The following GUCY2D variants were observed in gnomAD, a reference collection of about 807,000 sequenced individuals.
GUCY2D encodes the protein guanylate cyclase 2D, retinal.
Under a neutral mutation model 101.3 loss-of-function variants are expected in GUCY2D, and 70 were observed. The observed-to-expected ratio is 0.69, with a 90% CI of 0.57 to 0.84. The LOEUF is 0.84. Ranked by LOEUF, GUCY2D falls within the 40% of genes least tolerant of loss-of-function variation. The pLI, the probability that GUCY2D is intolerant of heterozygous loss-of-function variation, is 0.00. For missense variants in GUCY2D, 1,460 were observed against 1,542.5 expected (o/e 0.95, Z 0.90); for synonymous variants, 688 against 670.7 (o/e 1.03, Z -0.40).
Position 8,015,801 on chromosome 17 carries a change from C to T in GUCY2D, c.3003C>T (p.Asp1001=). ...LTMPRYCLFG[D]TVNTASRMES... ...TGCCGCGGTACTGCCTGTTTGGGGACACGGTCAACACCGCCTCGCGCATGG... is the reference window on the plus strand; with the variant it reads ...TGCCGCGGTACTGCCTGTTTGGGGATACGGTCAACACCGCCTCGCGCATGG... Residue 1001 remains aspartate (D), a synonymous_variant, in exon 16 of 20, where the codon GAC becomes GAT. Transcript: ENST00000254854. The T allele has an allele frequency of 6.2e-7, 1 of 1,612,756 alleles. No homozygotes were observed. Among genetic ancestry groups the T allele is most frequent in the Non-Finnish European group, 8.5e-7 (1 of 1,179,610 alleles).
At chr17:8,004,446 C>A (rs930437475) in intron 3 of GUCY2D, among the ~76,000 whole-genome samples, 2 of 152,166 alleles carry the variant, frequency 1.3e-5, no homozygotes, top group Admixed American at 6.5e-5. Flanking sequence ...CCGTTTCCAC[C>A]ACCACATACT....
In GUCY2D at chr17:8,015,500, C is replaced by T; in HGVS notation, c.2942C>T (p.Ser981Leu). 1 of 1,610,572 alleles carries T rather than the reference C, an allele frequency of 6.2e-7. No individual in the cohort carries two copies. Among genetic ancestry groups the T allele is most frequent in the East Asian group, 2.2e-5 (1 of 44,832 alleles). ...VPVRIRIGLHSGPCVAGVVGL... is the reference protein window; with the variant it reads ...VPVRIRIGLHLGPCVAGVVGL... The stretch of plus-strand genomic sequence containing the variant: ...GTGCGCATCCGCATAGGCCTGCACT[C>T]GGGTAACTCCCGGGTCTTCCCAGGC... The change falls in exon 15 of 20, where the codon TCG becomes TTG. Residue 981 changes from serine (S) to leucine (L), a missense_variant and splice_region_variant. By Grantham distance (145) the Ser-to-Leu change is moderately radical (BLOSUM62 -2). Around this residue, in one of 3 missense-constraint regions of GUCY2D, gnomAD observed 215 missense variants for 227.9 expected, o/e 0.94. Coordinates refer to ENST00000254854, the MANE Select transcript of GUCY2D (RefSeq NM_000180.4).
chr17:8,004,290 G>A, intron 3 of GUCY2D, 134 bp downstream of exon 3: 1 of 834,016 alleles, frequency 1.2e-6, no homozygotes, highest in East Asian at 2.7e-5. Flanking sequence ...GGGTAATGTA[G>A]AGGCTCTGGC....
intron 3 of GUCY2D, among the ~76,000 whole-genome samples, chr17:8,005,801 T>C (rs756733337): frequency 6.6e-6 from 1 of 152,240 alleles, no homozygotes; most frequent in Admixed American, 6.5e-5. Flanking sequence ...TGCCTGGCTC[T>C]CTGAGAGATG....
chr17:8,013,243 A>C lies in GUCY2D; in HGVS notation c.2254A>C (p.Thr752Pro), dbSNP rs1305834204. 2 of 1,613,872 alleles carry C rather than the reference A, an allele frequency of 1.2e-6. No homozygotes were observed. The highest frequency in any genetic ancestry group is 1.7e-6 in the Non-Finnish European group (2 of 1,179,956). The change falls in exon 11 of 20, where the codon ACT becomes CCT. Residue 752 changes from threonine (T) to proline (P), a missense_variant. Thr to Pro is a conservative substitution (Grantham distance 38, BLOSUM62 -1). Around this residue, in one of 3 missense-constraint regions of GUCY2D, gnomAD observed 1,196 missense variants for 1,229.6 expected, o/e 0.97. Coordinates refer to ENST00000254854, the MANE Select transcript of GUCY2D (RefSeq NM_000180.4). The surrounding 1 kb of genome is among the most constrained non-coding windows in gnomAD (Gnocchi z 5.0). ...TGCCCCTTATGCCATGCTGGAGCTC[A>C]CTCCCGAGGGTAAGGCTGCCCTGTG... ...RSAPYAMLEL[T>P]PEEVVQRVRS...
rs528169554 is a variant in GUCY2D at position 8,003,623 on chromosome 17, C to T, written c.576C>T (p.Asp192=). The T allele has an allele frequency of 6.3e-7, 1 of 1,593,130 alleles. No individual in the cohort carries two copies. Among genetic ancestry groups the T allele is most frequent in the Middle Eastern group, 1.7e-4 (1 of 6,030 alleles). ...TGGCCCTGGTCACCGCCCCCCAGGA[C>T]CTGTGGGTGGAGGCGGGACGCTCAC... ...ARVALVTAPQ[D]LWVEAGRSLS... is the part of the protein sequence containing the mutation. The change falls in exon 2 of 20, where the codon GAC becomes GAT. Residue 192 remains aspartate (D), a synonymous_variant. Transcript: ENST00000254854.
Position 8,013,750 on chromosome 17 carries a change from A to G in GUCY2D, c.2264-130A>G. The G allele has an allele frequency of 5.4e-6, 4 of 744,954 alleles. No homozygotes were observed. The South Asian group carries it at 6.2e-5, about 11-fold the overall frequency. 46.1% of individuals were successfully genotyped at this position (744,954 alleles called of 1,614,324 possible). ...ACTCTCCCTCCACACACACACACTG[A>G]ACCTCTGATGTAAAGAAACCCCTGC... On this transcript the variant is annotated intron_variant, in intron 11 of 19. Coordinates refer to ENST00000254854, the MANE Select transcript of GUCY2D (RefSeq NM_000180.4). The surrounding 1 kb of genome is among the most constrained non-coding windows in gnomAD (Gnocchi z 5.0).
chr17:8,013,088 C>T lies in GUCY2D; in HGVS notation c.2114-15C>T, dbSNP rs560225721. The stretch of plus-strand genomic sequence containing the variant: ...TCTTTCCCCAGCGGCGCCTCAGCCC[C>T]TTCCCCATCCCCAGACCAGCTGTGG... On this transcript the variant is annotated splice_polypyrimidine_tract_variant and intron_variant, in intron 10 of 19. Transcript: ENST00000254854. This position sits in a 1 kb window ranked among gnomAD's most constrained non-coding sequence, Gnocchi z 5.0. The T allele has an allele frequency of 8.7e-6, 14 of 1,609,648 alleles. No homozygotes were observed. Among genetic ancestry groups the T allele is most frequent in the Middle Eastern group, 2.0e-4 (1 of 4,894 alleles).
chr17:8,005,893 T>G lies in GUCY2D; in HGVS notation c.1027-470T>G, dbSNP rs151126238. Among the ~76,000 whole-genome samples the G allele has an allele frequency of 3.7e-3, 563 of 152,284 alleles. 3 individuals are homozygous for G. Among genetic ancestry groups the G allele is most frequent in the African/African-American group, 0.012 (518 of 41,542 alleles). On this transcript the variant is annotated intron_variant, in intron 3 of 19. Transcript: ENST00000254854. ...TTTTTGTTTGTTTTTTGTTTAGTTT[T>G]TTTGTTTGTTTGTTTGTTTTTTTAA...
At chr17:8,004,293 G>T (rs1461222581) in intron 3 of GUCY2D, 137 bp downstream of exon 3, 1 of 804,012 alleles carries the variant, frequency 1.2e-6, no homozygotes, top group Non-Finnish European at 1.9e-6. Flanking sequence ...TAATGTAGAG[G>T]CTCTGGCCCC....
chr17:8,016,232 C>T lies in GUCY2D; in HGVS notation c.3166C>T (p.Leu1056=), dbSNP rs768597548. The change falls in exon 18 of 20, where the codon CTA becomes TTA. Residue 1056 remains leucine (L), a synonymous_variant. Coordinates refer to ENST00000254854, the MANE Select transcript of GUCY2D (RefSeq NM_000180.4). ...KGKGAEDTFW[L]VGRRGFNKPI... ...CAAGGGCGCCGAGGACACTTTCTGGCTAGTGGGCAGACGCGGCTTCAACAA... is the reference window on the plus strand; with the variant it reads ...CAAGGGCGCCGAGGACACTTTCTGGTTAGTGGGCAGACGCGGCTTCAACAA... 2 of 1,591,684 alleles carry T rather than the reference C, an allele frequency of 1.3e-6. No individual in the cohort carries two copies. The highest frequency in any genetic ancestry group is 1.3e-5 in the African/African-American group (1 of 74,724).
Position 8,016,514 on chromosome 17 carries a change from C to A in GUCY2D, c.3296C>A (p.Pro1099Gln). The change falls in exon 19 of 20, where the codon CCG (proline) becomes CAG (glutamine). Residue 1099 changes from proline to glutamine, a missense_variant. This residue lies in a region of GUCY2D where 215 missense variants were observed against 227.9 expected (regional missense o/e 0.94). Coordinates refer to ENST00000254854, the MANE Select transcript of GUCY2D (RefSeq NM_000180.4). ...ERRRKLEKAR[P>Q]GQFS ...CGACGGAAGCTGGAGAAGGCGCGGC[C>A]GGGCCAGTTCTCTTGAGAAGTGAGG... The A allele has an allele frequency of 1.9e-6, 3 of 1,569,394 alleles. No homozygotes were observed. The highest frequency in any genetic ancestry group is 4.7e-5 in the East Asian group (2 of 42,858).
chr17:8,007,888 C>A (rs1444248939), intron 6 of GUCY2D, 43 bp from the exon 7 acceptor site: 4 of 1,253,664 alleles, frequency 3.2e-6, no homozygotes, highest in Middle Eastern at 1.9e-4. Context: ...GACTCTGACA[C>A]CAGAATATAT....
chr17:8,012,136 CCT>C lies in GUCY2D; in HGVS notation c.1750-4_1750-3del. ...GCAGAAAATGCAAGTCAACTCTCCC[CCT>C]CTCAGCTCCAGGAGCTCCGGCATGA... On this transcript the variant is annotated splice_polypyrimidine_tract_variant and splice_region_variant and intron_variant, in intron 8 of 19. Coordinates refer to ENST00000254854, the MANE Select transcript of GUCY2D (RefSeq NM_000180.4). The C allele has an allele frequency of 6.2e-7, 1 of 1,608,736 alleles. No homozygotes were observed. Among genetic ancestry groups the C allele is most frequent in the South Asian group, 1.1e-5 (1 of 90,968 alleles).
chr17:8,008,546 T>C (rs1453405492), intron 7 of GUCY2D, among the ~76,000 whole-genome samples: 1 of 152,016 alleles, frequency 6.6e-6, no homozygotes. Flanking sequence ...TGAGAACAGA[T>C]TGAGAGAGAG....
chr17:8,020,066 GTGT>G (rs1238881407), intron 19 of GUCY2D, 59 bp from the exon 20 acceptor site: 1 of 150,650 alleles, frequency 6.6e-6, no homozygotes, highest in Non-Finnish European at 1.5e-5. Flanking sequence ...ACTCTACAGC[GTGT>G]CCCGGGGCTC....
chr17:8,007,236 G>A, intron 5 of GUCY2D, 92 bp downstream of exon 5: 1 of 1,065,160 alleles, frequency 9.4e-7, no homozygotes, highest in Admixed American at 1.7e-5. Flanking sequence ...CTCAGGAGTA[G>A]AGGAGGAGAT....
Position 8,002,897 on chromosome 17 carries a change from A to T in GUCY2D, c.-9-142A>T. ...CGGGGCGGTGTCCTTGGCCCCAGTT[A>T]GTCTTCCCAGCCTCCGGAGGGGGCG... On this transcript the variant is annotated intron_variant, in intron 1 of 19. Transcript: ENST00000254854. This position sits in a 1 kb window ranked among gnomAD's most constrained non-coding sequence, Gnocchi z 4.9. 1.6e-6 allele frequency: 1 copy of T among 625,448 alleles called. No homozygotes were observed. Among genetic ancestry groups the T allele is most frequent in the Non-Finnish European group, 2.6e-6 (1 of 379,492 alleles). The allele number at this position is 625,448 out of a possible 1,614,324, so 38.7% of individuals were successfully genotyped here.
chr17:8,015,131 C>T (rs1199080891), intron 14 of GUCY2D, 80 bp downstream of exon 14: 47 of 1,242,238 alleles, frequency 3.8e-5, no homozygotes, highest in Non-Finnish European at 5.3e-5. Context: ...CTGCGCAGCC[C>T]CTAGCCTACC....
Sources: gnomAD v4.1 joint callset for allele counts (sites outside exome capture counted in the v4.1 genomes callset) on GRCh38, gnomAD v4.1.1 for gene constraint, gnomAD v4.1.1 regional missense constraint, Gnocchi (gnomAD v3.1) non-coding constraint, MANE v1.5 for transcripts, NCBI Gene and HGNC (gene_info 2026-07-23, HGNC 2026-07-21) for gene names.